ATP6V1H: variants seen among roughly 807,000 people sequenced by gnomAD.
The protein encoded by ATP6V1H is ATPase H+ transporting V1 subunit H, also known as V-type proton ATPase subunit H.
A neutral mutation model predicts 71.7 loss-of-function variants in ATP6V1H; 39 were observed. That is an observed-to-expected ratio of 0.54 (90% confidence interval 0.42 to 0.71). The LOEUF is 0.71. ATP6V1H is among the 30% of genes least tolerant of loss of function. ATP6V1H has a pLI of 0.00. For synonymous variants in ATP6V1H, 192 were observed against 199.3 expected (o/e 0.96, Z 0.31); for missense variants, 509 against 594.9 (o/e 0.86, Z 1.50).
At chr8:53,812,506 C>G (rs1438659294) in intron 6 of ATP6V1H, among the ~76,000 whole-genome samples, 1 of 152,176 alleles carries the variant, frequency 6.6e-6, no homozygotes. Flanking sequence ...TGACAGTCAC[C>G]TGAGAGGCAC....
intron 12 of ATP6V1H, among the ~76,000 whole-genome samples, chr8:53,753,395 A>C (rs140487523): frequency 0.01 from 1,573 of 152,358 alleles, 15 homozygotes; most frequent in Non-Finnish European, 0.016. Context: ...GGGAGAGATC[A>C]TTCTTCTTAG....
At chr8:53,729,858 C>T (rs1394533286) in intron 13 of ATP6V1H, among the ~76,000 whole-genome samples, 1 of 152,152 alleles carries the variant, frequency 6.6e-6, no homozygotes, top group Non-Finnish European at 1.5e-5. Flanking sequence ...AGGTCATCCT[C>T]CCACTCTGGC....
intron 12 of ATP6V1H, among the ~76,000 whole-genome samples, chr8:53,751,948 G>A (rs893861473): frequency 6.6e-6 from 1 of 152,164 alleles, no homozygotes; most frequent in Non-Finnish European, 1.5e-5. Context: ...GATTACAGGT[G>A]TGAGCCACTG....
chr8:53,751,673 C>T (rs1020067410), intron 12 of ATP6V1H, among the ~76,000 whole-genome samples: 1 of 144,766 alleles, frequency 6.9e-6, no homozygotes, highest in East Asian at 2.0e-4. Context: ...AAGATAATTT[C>T]TTTTTTTTTT....
chr8:53,746,772 GA>G (rs1807616767), intron 12 of ATP6V1H, among the ~76,000 whole-genome samples: 1 of 151,520 alleles, frequency 6.6e-6, no homozygotes, highest in Non-Finnish European at 1.5e-5. Flanking sequence ...ATGAATGCTT[GA>G]AAAAAAGGTG....
rs145895610 is a variant in ATP6V1H at position 53,718,590 on chromosome 8, A to T, written c.1392-2566T>A. Among the ~76,000 whole-genome samples the T allele has an allele frequency of 3.8e-3, 571 of 152,054 alleles. 3 individuals carry two copies. The highest frequency in any genetic ancestry group is 0.013 in the African/African-American group (528 of 41,450). On this transcript the variant is annotated intron_variant, in intron 13 of 13. Coordinates refer to ENST00000359530, the MANE Select transcript of ATP6V1H (RefSeq NM_015941.4). ...TATTTTGTACAGACAGGGTTTCGTC[A>T]TGTTGTCCAGGCTGGACGCTAACTC...
At chr8:53,745,428 G>A (rs879147808) in intron 12 of ATP6V1H, among the ~76,000 whole-genome samples, 3 of 151,806 alleles carry the variant, frequency 2.0e-5, no homozygotes, top group East Asian at 1.9e-4. Context: ...ATAAAACAAA[G>A]GACCCAAATC....
chr8:53,827,340 G>A (rs1222239375), intron 4 of ATP6V1H, among the ~76,000 whole-genome samples: 3 of 151,704 alleles, frequency 2.0e-5, no homozygotes, highest in South Asian at 2.1e-4. Context: ...CCGAGATCAC[G>A]CCACTACACT....
At chr8:53,790,054 G>C (rs1809518852) in intron 9 of ATP6V1H, among the ~76,000 whole-genome samples, 1 of 152,130 alleles carries the variant, frequency 6.6e-6, no homozygotes, top group Non-Finnish European at 1.5e-5. Context: ...TCAGTACCAA[G>C]TTTATTAACA....
At chr8:53,817,901 G>A (rs1175494401) in intron 4 of ATP6V1H, among the ~76,000 whole-genome samples, 4 of 152,012 alleles carry the variant, frequency 2.6e-5, no homozygotes, top group Non-Finnish European at 5.9e-5. Context: ...AAGGGAGCAG[G>A]AAGAGCACAA....
At chr8:53,786,773 T>A (rs1809398383) in intron 9 of ATP6V1H, among the ~76,000 whole-genome samples, 1 of 152,208 alleles carries the variant, frequency 6.6e-6, no homozygotes, top group Non-Finnish European at 1.5e-5. Context: ...CTTTGGCAAA[T>A]TAATGGTGCA....
At position 53,745,826 on chromosome 8, in the gene ATP6V1H, C is replaced by T. The variant is rs1373028180; in HGVS notation, c.1278-2136G>A. Among the ~76,000 whole-genome samples the T allele has an allele frequency of 2.0e-5, 3 of 152,220 alleles. No individual in the cohort carries two copies. The East Asian group carries it at 5.8e-4, about 29-fold the overall frequency. ...GGGATGGCAGAACGCTGCCTTGTTC[C>T]CCCACAGCTGGGGATGTGTCCATTA... On this transcript the variant is annotated intron_variant, in intron 12 of 13. Coordinates refer to ENST00000359530, the MANE Select transcript of ATP6V1H (RefSeq NM_015941.4).
intron 4 of ATP6V1H, among the ~76,000 whole-genome samples, chr8:53,826,537 A>C (rs1287602289): frequency 2.0e-5 from 3 of 152,194 alleles, no homozygotes; most frequent in Non-Finnish European, 4.4e-5. Context: ...TGTTAAGTGA[A>C]ACAAGCAAAA....
intron 8 of ATP6V1H, among the ~76,000 whole-genome samples, chr8:53,797,070 C>T (rs1809766120): frequency 6.6e-6 from 1 of 152,202 alleles, no homozygotes; most frequent in East Asian, 1.9e-4. Context: ...GCTATAAAAT[C>T]ATGTCACTTT....
chr8:53,805,569 G>A (rs1263138042), intron 7 of ATP6V1H, among the ~76,000 whole-genome samples: 1 of 152,064 alleles, frequency 6.6e-6, no homozygotes, highest in African/African-American at 2.4e-5. Context: ...CTTTGTTGAA[G>A]GGCACACAAA....
chr8:53,732,116 C>T (rs1807046555), intron 13 of ATP6V1H, among the ~76,000 whole-genome samples: 1 of 152,190 alleles, frequency 6.6e-6, no homozygotes, highest in African/African-American at 2.4e-5. Context: ...TTTGACTTGG[C>T]TTGAATTGCT....
intron 9 of ATP6V1H, among the ~76,000 whole-genome samples, chr8:53,776,943 G>A (rs146227500): frequency 6.6e-6 from 1 of 152,172 alleles, no homozygotes; most frequent in Non-Finnish European, 1.5e-5. Flanking sequence ...CTCAAAAGTG[G>A]ACTGGAGATG....
intron 13 of ATP6V1H, among the ~76,000 whole-genome samples, chr8:53,731,904 A>G (rs1231454052): frequency 1.3e-5 from 2 of 152,232 alleles, no homozygotes; most frequent in Non-Finnish European, 2.9e-5. Context: ...GTCCTGGTGG[A>G]ACACCTCATC....
chr8:53,759,323 G>A (rs1808182133), intron 11 of ATP6V1H, among the ~76,000 whole-genome samples: 1 of 152,188 alleles, frequency 6.6e-6, no homozygotes, highest in African/African-American at 2.4e-5. Context: ...TGCTATTTCT[G>A]TGTCAAATCG....
Sources: allele counts gnomAD v4.1 joint callset (sites outside exome capture counted in the v4.1 genomes callset), GRCh38; gene constraint gnomAD v4.1.1; transcripts MANE v1.5; gene names NCBI Gene and HGNC (gene_info 2026-07-23, HGNC 2026-07-21).